MIB1: variants seen among roughly 807,000 people sequenced by gnomAD.
MIB1 encodes MIB E3 ubiquitin protein ligase 1.
A neutral mutation model predicts 124.5 loss-of-function variants in MIB1; 278 were observed. The observed-to-expected ratio is 2.23, with a 90% CI of 2.02 to 2.47. The LOEUF is 2.47. Ranked by LOEUF, MIB1 falls within the 30% of genes most tolerant of loss-of-function variation. The pLI, the probability that MIB1 is intolerant of heterozygous loss-of-function variation, is 0.00. For synonymous variants in MIB1, 446 were observed against 429.4 expected, an observed-to-expected ratio of 1.04 and a Z score of -0.48; for missense variants, 957 against 1,254.4, an observed-to-expected ratio of 0.76 and a Z score of 3.58.
At position 21,768,882 on chromosome 18, in the gene MIB1, T is replaced by C; in HGVS notation, c.531+130T>C. 3.9e-6 allele frequency: 3 copies of C among 769,160 alleles called. No homozygotes were observed. The Middle Eastern group carries it at 1.3e-3, about 338-fold the overall frequency. 47.6% of individuals were successfully genotyped at this position (769,160 alleles called of 1,614,324 possible). A position where few individuals can be genotyped will look rare whatever the true frequency, so the allele number is the denominator to read the frequency against. On this transcript the variant is annotated intron_variant, in intron 3 of 20. Coordinates refer to ENST00000261537, the MANE Select transcript of MIB1 (RefSeq NM_020774.4). ...AGTAACAGTTTTTAAAATCTTGATT[T>C]CTTTTTTCTCTGGAAGTAAAAAGAT...
chr18:21,803,477 ATGTTTGG>A (rs2041671450), intron 9 of MIB1, among the ~76,000 whole-genome samples: 2 of 152,258 alleles, frequency 1.3e-5, no homozygotes, highest in Admixed American at 6.5e-5. Context: ...CTGCAAGTTG[ATGTTTGG>A]TATTTTTGTT....
At chr18:21,745,762 A>G (rs970842412) in intron 1 of MIB1, among the ~76,000 whole-genome samples, 1 of 152,044 alleles carries the variant, frequency 6.6e-6, no homozygotes, top group Non-Finnish European at 1.5e-5. Flanking sequence ...GCTGGAATGC[A>G]GTGGTGTGAC....
chr18:21,774,135 G>A (rs1039347711), intron 4 of MIB1, among the ~76,000 whole-genome samples: 8 of 152,152 alleles, frequency 5.3e-5, no homozygotes, highest in South Asian at 2.1e-4. Flanking sequence ...TTATTTTTTA[G>A]GAGATTCCTC....
chr18:21,853,262 G>A, intron 18 of MIB1, 44 bp downstream of exon 18: 1 of 1,399,906 alleles, frequency 7.1e-7, no homozygotes, highest in East Asian at 2.3e-5. Context: ...TATAAAAATA[G>A]AAAGTGAAAC....
chr18:21,863,455 GCT>G (rs894428941), intron 20 of MIB1, among the ~76,000 whole-genome samples: 3 of 152,172 alleles, frequency 2.0e-5, no homozygotes, highest in African/African-American at 4.8e-5. Flanking sequence ...GATGGAAATG[GCT>G]CTCAGCAGAG....
chr18:21,743,712 C>G (rs2040881812), intron 1 of MIB1, among the ~76,000 whole-genome samples: 1 of 152,056 alleles, frequency 6.6e-6, no homozygotes, highest in Admixed American at 6.5e-5. Context: ...AAGCTAAAGT[C>G]TGACCACAAC....
At chr18:21,773,283 A>C (rs911417999) in intron 3 of MIB1, among the ~76,000 whole-genome samples, 6 of 152,156 alleles carry the variant, frequency 3.9e-5, no homozygotes, top group African/African-American at 1.4e-4. Flanking sequence ...AAACCAAAAA[A>C]CAAAAAACTG....
At chr18:21,776,304 G>A (rs1186752620) in intron 4 of MIB1, among the ~76,000 whole-genome samples, 6 of 151,216 alleles carry the variant, frequency 4.0e-5, no homozygotes, top group Non-Finnish European at 8.8e-5. Flanking sequence ...AAACCAATTT[G>A]ACACCTATGT....
chr18:21,766,018 A>G lies in MIB1; in HGVS notation c.401+75A>G, dbSNP rs117138335. On this transcript the variant is annotated intron_variant, in intron 2 of 20. Transcript: ENST00000261537. ...AGTTATGTACTTCTGGGCCTTAAAAATAGGATTAGCAAATAGCTTCTGACA... is the reference window on the plus strand; with the variant it reads ...AGTTATGTACTTCTGGGCCTTAAAAGTAGGATTAGCAAATAGCTTCTGACA... 8,526 of 1,404,568 alleles carry G rather than the reference A, an allele frequency of 6.1e-3. 31 individuals carry two copies. Among genetic ancestry groups the G allele is most frequent in the Non-Finnish European group, 7.2e-3 (7,196 of 997,638 alleles). 87.0% of individuals were successfully genotyped at this position (1,404,568 alleles called of 1,614,324 possible).
chr18:21,706,646 G>A (rs898270285), intron 1 of MIB1, among the ~76,000 whole-genome samples: 1 of 152,192 alleles, frequency 6.6e-6, no homozygotes, highest in Non-Finnish European at 1.5e-5. Flanking sequence ...GGCCAGTGAG[G>A]GGCTTAGCAC....
intron 12 of MIB1, among the ~76,000 whole-genome samples, chr18:21,835,781 A>AT (rs1371326260): frequency 0.01 from 1,277 of 126,938 alleles, 26 homozygotes; most frequent in African/African-American, 0.032. Flanking sequence ...AGAAAAAAAA[A>AT]AAAATATATA....
chr18:21,787,757 ATT>A (rs756408598), intron 6 of MIB1, among the ~76,000 whole-genome samples: 8 of 113,732 alleles, frequency 7.0e-5, no homozygotes, highest in South Asian at 2.7e-4. Flanking sequence ...GGTGCTGGGT[ATT>A]TTTTTTTTTT....
At chr18:21,806,130 T>C (rs1015564532) in intron 10 of MIB1, among the ~76,000 whole-genome samples, 9 of 151,992 alleles carry the variant, frequency 5.9e-5, no homozygotes, top group Non-Finnish European at 4.4e-5. Context: ...CTCTAACTCC[T>C]GACCTCGAGT....
chr18:21,707,308 C>G (rs545790862), intron 1 of MIB1, among the ~76,000 whole-genome samples: 40 of 152,208 alleles, frequency 2.6e-4, no homozygotes, highest in African/African-American at 9.4e-4. Context: ...CAATCACCAC[C>G]CTGTCAAAAC....
rs371226243 is a variant in MIB1 at position 21,713,337 on chromosome 18, C to T, written n.167+8214C>T. On this transcript the variant is annotated intron_variant and non_coding_transcript_variant, in intron 1 of 20. Transcript: ENST00000578646. ...ATAAATTAAAGAACTCTGGGCCAGG[C>T]GCGGTGGCTCACGCCTATAATCCCA... 2.8e-5 allele frequency among the ~76,000 whole-genome samples: 4 copies of T among 144,798 alleles called. No individual in the cohort carries two copies. The South Asian group carries it at 6.6e-4, about 24-fold the overall frequency. 95.0% of individuals were successfully genotyped at this position (144,798 alleles called of 152,430 possible).
chr18:21,851,230 T>G (rs754744186), intron 17 of MIB1, among the ~76,000 whole-genome samples: 2 of 152,144 alleles, frequency 1.3e-5, no homozygotes, highest in Non-Finnish European at 2.9e-5. Context: ...CCCTGTTCTT[T>G]TCACTGTGTT....
At chr18:21,817,154 C>CTTTTTTTTTTTTTTT (rs1040673828) in intron 11 of MIB1, among the ~76,000 whole-genome samples, 1 of 75,012 alleles carries the variant, frequency 1.3e-5, no homozygotes, top group Non-Finnish European at 2.4e-5. Flanking sequence ...GTTAGGAATT[C>CTTTTTTTTTTTTTTT]TTTTTTTTTT....
intron 15 of MIB1, 117 bp from the exon 16 acceptor site, chr18:21,846,827 A>C: frequency 1.1e-6 from 1 of 913,070 alleles, no homozygotes; most frequent in Non-Finnish European, 1.7e-6. Context: ...AGTGGTGGGG[A>C]GGGAACATTA....
At chr18:21,732,517 C>T (rs2146365117) in intron 1 of MIB1, among the ~76,000 whole-genome samples, 1 of 151,950 alleles carries the variant, frequency 6.6e-6, no homozygotes, top group East Asian at 1.9e-4. Flanking sequence ...CCACCTCAGC[C>T]TCCTGAGTAG....
Sources: gnomAD v4.1 joint callset for allele counts (sites outside exome capture counted in the v4.1 genomes callset) on GRCh38, gnomAD v4.1.1 for gene constraint, MANE v1.5 for transcripts, NCBI Gene and HGNC (gene_info 2026-07-23, HGNC 2026-07-21) for gene names.